Variants in CBL observed in about 807,000 individuals in gnomAD.
The protein encoded by CBL is E3 ubiquitin-protein ligase CBL.
Under a neutral mutation model 96.9 loss-of-function variants are expected in CBL, and 45 were observed. The ratio of observed to expected loss-of-function variants is 0.46; its 90% CI spans 0.37 to 0.60. The LOEUF (loss-of-function observed/expected upper bound fraction) is 0.60. CBL is among the 20% of genes least tolerant of loss of function. The probability of loss-of-function intolerance (pLI) is 0.00; values close to 1 mark genes in which losing one functional copy is unlikely to be tolerated. For missense variants in CBL, 1,024 were observed against 1,143.5 expected (o/e 0.90, Z 1.51); for synonymous variants, 420 against 426.8 (o/e 0.98, Z 0.20).
chr11:119,242,220 A>G (rs752652059), intron 2 of CBL, among the ~76,000 whole-genome samples: 17 of 152,106 alleles, frequency 1.1e-4, no homozygotes, highest in Admixed American at 7.2e-4. Flanking sequence ...TTGGGAGACT[A>G]AGGAGGATCA....
chr11:119,253,230 GA>G (rs34569041), intron 2 of CBL, among the ~76,000 whole-genome samples: 57 of 151,886 alleles, frequency 3.8e-4, no homozygotes, highest in African/African-American at 1.2e-3. Context: ...TTTGTCATTT[GA>G]AAAAAAAATT....
intron 2 of CBL, among the ~76,000 whole-genome samples, chr11:119,262,326 A>G (rs898497648): frequency 1.3e-5 from 2 of 152,218 alleles, no homozygotes; most frequent in Non-Finnish European, 2.9e-5. Flanking sequence ...GGTATCCTTG[A>G]TTGGATCCTG....
chr11:119,304,536 A>G lies in CBL; in HGVS notation c.*4755A>G, dbSNP rs190266043. Reference sequence around the variant, plus strand: ...CCGCTTCACAGTCTGCTTATGGTATATGTGGCCCCCAAATAGGCACTCTAG... The same window carrying G: ...CCGCTTCACAGTCTGCTTATGGTATGTGTGGCCCCCAAATAGGCACTCTAG... On this transcript the variant is annotated 3_prime_UTR_variant, in exon 16 of 16. Transcript: ENST00000264033. The G allele has an allele frequency of 4.3e-6, 1 of 232,878 alleles. No individual in the cohort carries two copies. Among genetic ancestry groups the G allele is most frequent in the African/African-American group, 2.2e-5 (1 of 45,394 alleles). The allele number at this position is 232,878 out of a possible 1,614,324, so 14.4% of individuals were successfully genotyped here. A position where few individuals can be genotyped will look rare whatever the true frequency, so the allele number is the denominator to read the frequency against.
At chr11:119,254,802 A>G (rs950249815) in intron 2 of CBL, among the ~76,000 whole-genome samples, 1 of 152,006 alleles carries the variant, frequency 6.6e-6, no homozygotes, top group East Asian at 1.9e-4. Context: ...GGGTTTTGCC[A>G]TGTTGGCCAG....
In CBL at chr11:119,278,534, T is replaced by C. The variant is rs745896960; in HGVS notation, c.1252T>C (p.Phe418Leu). The C allele has an allele frequency of 1.2e-6, 2 of 1,614,232 alleles. No individual in the cohort carries two copies. Among genetic ancestry groups the C allele is most frequent in the Non-Finnish European group, 8.5e-7 (1 of 1,180,028 alleles). The change falls in exon 9 of 16, where the codon TTC (phenylalanine) becomes CTC (leucine). Residue 418 changes from phenylalanine (F) to leucine (L), a missense_variant. Transcript: ENST00000264033. ...WQESEGQGCP[F>L]CRCEIKGTEP... ...GGAATCAGAAGGTCAGGGCTGTCCTTTCTGCCGATGTGAAATTAAAGGTAC... is the reference window on the plus strand; with the variant it reads ...GGAATCAGAAGGTCAGGGCTGTCCTCTCTGCCGATGTGAAATTAAAGGTAC...
intron 9 of CBL, 37 bp from the exon 10 acceptor site, chr11:119,284,932 A>G (rs373305465): frequency 6.2e-7 from 1 of 1,612,850 alleles, no homozygotes; most frequent in South Asian, 1.1e-5. Context: ...CATTTCCCCA[A>G]ACGAAAGTAA....
At position 119,273,941 on chromosome 11, in the gene CBL, A is replaced by G. The variant is rs773611782; in HGVS notation, c.664A>G (p.Met222Val). 6 of 1,614,024 alleles carry G rather than the reference A, an allele frequency of 3.7e-6. No individual in the cohort carries two copies. The highest frequency in any genetic ancestry group is 2.2e-5 in the East Asian group (1 of 44,888). ...VHPISSGLEA[M>V]ALKSTIDLTC... ...TCCCATCAGTTCTGGGCTGGAGGCC[A>G]TGGCTCTGAAATCCACTATTGATCT... is the stretch of plus-strand genomic sequence containing the variant. Residue 222 changes from methionine to valine, a missense_variant, in exon 4 of 16, where the codon ATG (methionine) becomes GTG (valine). Met to Val is a conservative substitution (Grantham distance 21). Around this residue, in one of 4 missense-constraint regions of CBL, gnomAD observed 192 missense variants for 321.8 expected, o/e 0.60. Transcript: ENST00000264033.
chr11:119,300,846 C>T lies in CBL; in HGVS notation c.*1065C>T, dbSNP rs954204686. Reference sequence around the variant, plus strand: ...ACTTTCTGGCCAGAATACCGGAAAGCTTTTAGGAAGCTTCGTTCACATGCT... The same window carrying T: ...ACTTTCTGGCCAGAATACCGGAAAGTTTTTAGGAAGCTTCGTTCACATGCT... On this transcript the variant is annotated 3_prime_UTR_variant, in exon 16 of 16. Transcript: ENST00000264033. 5.9e-6 allele frequency: 2 copies of T among 337,768 alleles called. No individual in the cohort carries two copies. Among genetic ancestry groups the T allele is most frequent in the African/African-American group, 4.2e-5 (2 of 47,776 alleles). The allele number at this position is 337,768 out of a possible 1,614,324, so 20.9% of individuals were successfully genotyped here. A position where few individuals can be genotyped will look rare whatever the true frequency, so the allele number is the denominator to read the frequency against.
chr11:119,270,755 T>G (rs1427013541), intron 2 of CBL, among the ~76,000 whole-genome samples: 14 of 149,566 alleles, frequency 9.4e-5, no homozygotes, highest in Admixed American at 3.4e-4. Context: ...CATTTTTATA[T>G]TTTTTAGTAG....
At chr11:119,266,498 T>C (rs557899839) in intron 2 of CBL, among the ~76,000 whole-genome samples, 21 of 152,338 alleles carry the variant, frequency 1.4e-4, no homozygotes, top group African/African-American at 4.6e-4. Context: ...ATGTAAATCT[T>C]AGTTCTTTAT....
rs1247938307 is a variant in CBL, at chr11:119,273,907, T to A, written c.630T>A (p.His210Gln). ...GGAAGAGCTTTCGACAGGCTCTACA[T>A]GAAGTGCATCCCATCAGTTCTGGGC... is the stretch of plus-strand genomic sequence containing the variant. ...VPWKSFRQAL[H>Q]EVHPISSGLE... Residue 210 changes from histidine to glutamine, a missense_variant, in exon 4 of 16, where the codon CAT becomes CAA. Around this residue, in one of 4 missense-constraint regions of CBL, gnomAD observed 192 missense variants for 321.8 expected, o/e 0.60. Transcript: ENST00000264033. The A allele has an allele frequency of 6.2e-7, 1 of 1,614,126 alleles. No individual in the cohort carries two copies. The highest frequency in any genetic ancestry group is 1.7e-5 in the Admixed American group (1 of 60,030).
intron 12 of CBL, among the ~76,000 whole-genome samples, chr11:119,291,864 C>CT (rs929950523): frequency 2.0e-5 from 3 of 151,374 alleles, no homozygotes; most frequent in African/African-American, 4.9e-5. Flanking sequence ...AGTTTTCATA[C>CT]TTTTTTTTTC....
At chr11:119,223,763 A>G (rs1235347339) in intron 1 of CBL, among the ~76,000 whole-genome samples, 1 of 152,008 alleles carries the variant, frequency 6.6e-6, no homozygotes, top group Non-Finnish European at 1.5e-5. Flanking sequence ...AGTAGCTGGG[A>G]TTACAGGCAC....
intron 12 of CBL, among the ~76,000 whole-genome samples, chr11:119,291,496 C>T (rs562974284): frequency 3.3e-5 from 5 of 152,286 alleles, no homozygotes; most frequent in Admixed American, 1.3e-4. Context: ...GCCTGAACTC[C>T]GGGTTTGAGA....
At position 119,302,469 on chromosome 11, in the gene CBL, A is replaced by G. The variant is rs912836883; in HGVS notation, c.*2688A>G. ...AATTTAATTAAAACTGCCTTTTATG[A>G]ACAGACTTCGAGTTTTGCCATTTTG... On this transcript the variant is annotated 3_prime_UTR_variant, in exon 16 of 16. Coordinates refer to ENST00000264033, the MANE Select transcript of CBL (RefSeq NM_005188.4). The G allele has an allele frequency of 3.9e-5, 9 of 232,926 alleles. No homozygotes were observed. The highest frequency in any genetic ancestry group is 2.0e-4 in the African/African-American group (9 of 45,342). The allele number at this position is 232,926 out of a possible 1,614,324, so 14.4% of individuals were successfully genotyped here.
Position 119,301,414 on chromosome 11 carries a change from A to G in CBL, c.*1633A>G, listed in dbSNP as rs1950100605. 4.3e-6 allele frequency: 1 copy of G among 233,000 alleles called. No homozygotes were observed. Among genetic ancestry groups the G allele is most frequent in the African/African-American group, 2.2e-5 (1 of 45,314 alleles). 14.4% of individuals were successfully genotyped at this position (233,000 alleles called of 1,614,324 possible). On this transcript the variant is annotated 3_prime_UTR_variant, in exon 16 of 16. Coordinates refer to ENST00000264033, the MANE Select transcript of CBL (RefSeq NM_005188.4). ...TTAGCTCACTTTCTTAGCAGTGTGT[A>G]AGCTTTCTCCATGTCAGAAGCAAGC...
At chr11:119,277,270 C>CACACACACACACACACACACACACACAT (rs993033451) in intron 6 of CBL, among the ~76,000 whole-genome samples, 1 of 151,578 alleles carries the variant, frequency 6.6e-6, no homozygotes, top group African/African-American at 2.4e-5. Context: ...CACACACACA[C>CACACACACACACACACACACACACACAT]ATAAAGAATT....
chr11:119,266,477 G>A (rs1306373421), intron 2 of CBL, among the ~76,000 whole-genome samples: 1 of 152,136 alleles, frequency 6.6e-6, no homozygotes, highest in African/African-American at 2.4e-5. Context: ...AGATACTTGT[G>A]TATTGGTGAT....
intron 2 of CBL, among the ~76,000 whole-genome samples, chr11:119,254,871 G>A (rs1949698546): frequency 6.6e-6 from 1 of 152,124 alleles, no homozygotes; most frequent in Admixed American, 6.5e-5. Context: ...CAAAGTGCTG[G>A]GATTACAGGT....
Sources: allele counts gnomAD v4.1 joint callset (sites outside exome capture counted in the v4.1 genomes callset), GRCh38; gene constraint gnomAD v4.1.1; regional missense constraint gnomAD v4.1.1; transcripts MANE v1.5; gene names NCBI Gene and HGNC (gene_info 2026-07-23, HGNC 2026-07-21).